GPR158: variants seen among roughly 807,000 people sequenced by gnomAD.
GPR158 encodes the protein G protein-coupled receptor 158.
A neutral mutation model predicts 78.2 loss-of-function variants in GPR158; 30 were observed. The ratio of observed to expected loss-of-function variants is 0.38; its 90% CI spans 0.29 to 0.52. The LOEUF (loss-of-function observed/expected upper bound fraction) is 0.52. Among genes scored for constraint, GPR158 ranks in the 20% least tolerant of loss-of-function variants. The pLI is 0.83. For synonymous variants in GPR158, 581 were observed against 591.1 expected, an observed-to-expected ratio of 0.98 and a Z score of 0.25; for missense variants, 1,463 against 1,523.5, an observed-to-expected ratio of 0.96 and a Z score of 0.66.
intron 2 of GPR158, among the ~76,000 whole-genome samples, chr10:25,386,681 ATCATTTTATTCTTTTTGATATTT>A (rs1396382521): frequency 1.3e-5 from 2 of 152,048 alleles, no homozygotes; most frequent in Non-Finnish European, 2.9e-5. Flanking sequence ...GTTACTCCTA[ATCATTTTATTCTTTTTGATATTT>A]TCATTTTATT....
At chr10:25,521,638 T>G (rs574492359) in intron 5 of GPR158, among the ~76,000 whole-genome samples, 1 of 152,314 alleles carries the variant, frequency 6.6e-6, no homozygotes, top group South Asian at 2.1e-4. Context: ...TTTTTCTAGT[T>G]TCTTCTCATT....
At position 25,175,102 on chromosome 10, in the gene GPR158, C is replaced by T. The variant is rs1852503882; in HGVS notation, c.-319C>T. 7.9e-6 allele frequency: 2 copies of T among 254,518 alleles called. No homozygotes were observed. Among genetic ancestry groups the T allele is most frequent in the South Asian group, 1.7e-4 (2 of 11,858 alleles). 15.8% of individuals were successfully genotyped at this position (254,518 alleles called of 1,614,324 possible). A position where few individuals can be genotyped will look rare whatever the true frequency, so the allele number is the denominator to read the frequency against. On this transcript the variant is annotated 5_prime_UTR_variant, in exon 1 of 11. Transcript: ENST00000376351. This position sits in a 1 kb window ranked among gnomAD's most constrained non-coding sequence, Gnocchi z 6.4. ...GGCGGCAGCCGGGCCGAGAGACGGA[C>T]TCGGGCTGACTCCAGCCGCTGGGAG... is the stretch of plus-strand genomic sequence containing the variant.
chr10:25,380,431 T>C (rs1834138421), intron 2 of GPR158, among the ~76,000 whole-genome samples: 1 of 152,216 alleles, frequency 6.6e-6, no homozygotes, highest in South Asian at 2.1e-4. Context: ...TTCTTGATGT[T>C]TTAATTAGAT....
intron 2 of GPR158, among the ~76,000 whole-genome samples, chr10:25,297,032 A>G (rs1588782520): frequency 6.6e-6 from 1 of 152,226 alleles, no homozygotes; most frequent in Admixed American, 6.5e-5. Context: ...GTCCTGCAAC[A>G]GGGGCTTAGG....
At chr10:25,350,003 C>G (rs975794005) in intron 2 of GPR158, among the ~76,000 whole-genome samples, 2 of 151,872 alleles carry the variant, frequency 1.3e-5, no homozygotes, top group African/African-American at 4.8e-5. Flanking sequence ...TAGTTTGATT[C>G]TTCTTGTAAA....
intron 5 of GPR158, among the ~76,000 whole-genome samples, chr10:25,485,524 T>C (rs942530707): frequency 2.0e-5 from 3 of 152,096 alleles, no homozygotes; most frequent in East Asian, 3.9e-4. Context: ...AAGATGCTTT[T>C]CCAGAATTTA....
intron 5 of GPR158, among the ~76,000 whole-genome samples, chr10:25,475,280 G>A (rs1038992975): frequency 5.3e-5 from 8 of 151,934 alleles, no homozygotes; most frequent in African/African-American, 1.9e-4. Flanking sequence ...AAACAAAAAC[G>A]GAGGCTTACC....
intron 5 of GPR158, among the ~76,000 whole-genome samples, chr10:25,494,864 T>A (rs1835856904): frequency 6.6e-6 from 1 of 152,202 alleles, no homozygotes; most frequent in Non-Finnish European, 1.5e-5. Flanking sequence ...TTTTATTTTT[T>A]AAGAGTAAGT....
At chr10:25,196,975 A>G (rs78188541) in intron 1 of GPR158, among the ~76,000 whole-genome samples, 3,955 of 152,278 alleles carry the variant, frequency 0.026, 160 homozygotes, top group African/African-American at 0.086. Context: ...TCTGCTAAGC[A>G]TAGCCTTAGC....
At chr10:25,282,744 C>T (rs543837612) in intron 2 of GPR158, among the ~76,000 whole-genome samples, 1 of 152,188 alleles carries the variant, frequency 6.6e-6, no homozygotes, top group African/African-American at 2.4e-5. Flanking sequence ...TTTTCTTGTG[C>T]TTCTTTGCCA....
intron 1 of GPR158, among the ~76,000 whole-genome samples, chr10:25,204,595 G>T (rs1170607596): frequency 1.3e-5 from 2 of 152,106 alleles, no homozygotes; most frequent in African/African-American, 4.8e-5. Flanking sequence ...GCATCCCAGG[G>T]TTGAAGCCCA....
rs201926404 is a variant in GPR158, at chr10:25,510,573, GT to G, written c.1405-40397del. ...TTATTTATTATGTTTTATTTCAATA[GT>G]TTTTTGGGGAACAGGTGGTGTTTGT... On this transcript the variant is annotated intron_variant, in intron 5 of 10. Transcript: ENST00000376351. 1.5e-4 allele frequency among the ~76,000 whole-genome samples: 23 copies of G among 152,166 alleles called. No homozygotes were observed. The East Asian group carries it at 4.1e-3, about 27-fold the overall frequency.
chr10:25,547,475 C>T (rs1836677668), intron 5 of GPR158, among the ~76,000 whole-genome samples: 2 of 152,198 alleles, frequency 1.3e-5, no homozygotes, highest in South Asian at 2.1e-4. Flanking sequence ...GGCTCCCTCC[C>T]TCTTTCATCT....
intron 2 of GPR158, among the ~76,000 whole-genome samples, chr10:25,280,764 CT>C (rs1406553429): frequency 6.6e-6 from 1 of 151,738 alleles, no homozygotes; most frequent in African/African-American, 2.4e-5. Flanking sequence ...CGTACATATT[CT>C]TTTACCAAGA....
At chr10:25,248,160 GTTGT>G (rs1448173180) in intron 2 of GPR158, among the ~76,000 whole-genome samples, 73 of 151,978 alleles carry the variant, frequency 4.8e-4, no homozygotes, top group African/African-American at 1.7e-3. Context: ...TTTTGATGGG[GTTGT>G]TTGTTTTTTT....
intron 2 of GPR158, among the ~76,000 whole-genome samples, chr10:25,369,827 T>C (rs1833959848): frequency 6.6e-6 from 1 of 152,160 alleles, no homozygotes; most frequent in Non-Finnish European, 1.5e-5. Context: ...AAGCTATTGA[T>C]TATTGCTACA....
rs527955645 is a variant in GPR158, at chr10:25,570,084, G to T, written c.1515-2565G>T. Among the ~76,000 whole-genome samples the T allele has an allele frequency of 2.6e-5, 4 of 152,228 alleles. No individual in the cohort carries two copies. In the East Asian group the frequency reaches 7.7e-4, roughly 29 times the overall value. On this transcript the variant is annotated intron_variant, in intron 6 of 10. Transcript: ENST00000376351. The stretch of plus-strand genomic sequence containing the variant: ...CATTCAAAATTTAGAATTCATCCAG[G>T]TTCAACCAGAAACAAATATGTGTAC...
At chr10:25,353,920 A>G (rs1405084916) in intron 2 of GPR158, among the ~76,000 whole-genome samples, 2 of 151,592 alleles carry the variant, frequency 1.3e-5, no homozygotes, top group Non-Finnish European at 2.9e-5. Flanking sequence ...CTTCCTTTTT[A>G]TTGTCTTCTT....
chr10:25,557,531 A>C (rs374988715), intron 6 of GPR158, among the ~76,000 whole-genome samples: 6 of 152,136 alleles, frequency 3.9e-5, no homozygotes, highest in South Asian at 2.1e-4. Flanking sequence ...ATTCCTCCCC[A>C]CCCTGCCGCC....
Sources: allele counts gnomAD v4.1 joint callset (sites outside exome capture counted in the v4.1 genomes callset), GRCh38; gene constraint gnomAD v4.1.1; non-coding constraint Gnocchi (gnomAD v3.1); transcripts MANE v1.5; gene names NCBI Gene and HGNC (gene_info 2026-07-23, HGNC 2026-07-21).